Variants in CACNA1I observed in about 807,000 individuals in gnomAD.
CACNA1I encodes the protein calcium voltage-gated channel subunit alpha1 I.
CACNA1I carries 74 observed loss-of-function variants against 201.6 expected under a neutral mutation model. The observed-to-expected ratio is 0.37, with a 90% CI of 0.30 to 0.45. The LOEUF (loss-of-function observed/expected upper bound fraction) is 0.45, where lower values mean the gene tolerates loss of function less well. Ranked by LOEUF, CACNA1I falls within the 20% of genes least tolerant of loss-of-function variation. The pLI is 1.00. For missense variants in CACNA1I, 2,346 were observed against 3,138.1 expected, an observed-to-expected ratio of 0.75 and a Z score of 6.03; for synonymous variants, 1,431 against 1,345.2, an observed-to-expected ratio of 1.06 and a Z score of -1.40.
Position 39,662,253 on chromosome 22 carries a change from T to C in CACNA1I, c.3190T>C (p.Ser1064Pro), listed in dbSNP as rs1241863070. The C allele has an allele frequency of 1.0e-5, 16 of 1,524,588 alleles. No homozygotes were observed. Among genetic ancestry groups the C allele is most frequent in the Non-Finnish European group, 1.3e-5 (15 of 1,140,926 alleles). 94.4% of individuals were successfully genotyped at this position (1,524,588 alleles called of 1,614,324 possible). A position where few individuals can be genotyped will look rare whatever the true frequency, so the allele number is the denominator to read the frequency against. Residue 1064 changes from serine (S) to proline (P), a missense_variant, in exon 17 of 37, where the codon TCG becomes CCG. Ser to Pro is a moderately conservative substitution (Grantham distance 74). Coordinates refer to ENST00000402142, the MANE Select transcript of CACNA1I (RefSeq NM_021096.4). ...RRTLSLDNRD[S>P]VDLAELVPAV... ...GACGCTGTCCCTCGACAACAGGGAC[T>C]CGGTGGACCTGGCCGAGCTGGTGCC...
rs1485407776 is a variant in CACNA1I, at chr22:39,629,765, C to A, written c.581-4800C>A. Among the ~76,000 whole-genome samples the A allele has an allele frequency of 6.6e-6, 1 of 152,146 alleles. No individual in the cohort carries two copies. The highest frequency in any genetic ancestry group is 1.5e-5 in the Non-Finnish European group (1 of 68,032). On this transcript the variant is annotated intron_variant, in intron 4 of 36. Coordinates refer to ENST00000402142, the MANE Select transcript of CACNA1I (RefSeq NM_021096.4). The surrounding 1 kb of genome is among the most constrained non-coding windows in gnomAD (Gnocchi z 4.8). ...CAGCTGTGGAGCCCACAGGCCTGAC[C>A]CCCTTTCAGAGATGTGTATGCCGTT...
At chr22:39,655,676 G>C (rs914041855) in intron 10 of CACNA1I, among the ~76,000 whole-genome samples, 3 of 152,004 alleles carry the variant, frequency 2.0e-5, no homozygotes, top group African/African-American at 4.8e-5. Flanking sequence ...CTGTCTGTCT[G>C]TCTGTCTCTG....
Position 39,649,522 on chromosome 22 carries a change from C to T in CACNA1I, c.1589C>T (p.Pro530Leu), listed in dbSNP as rs1217503911. Residue 530 changes from proline (P) to leucine (L), a missense_variant, in exon 10 of 37, where the codon CCC (proline) becomes CTC (leucine). By Grantham distance (98) the Pro-to-Leu change is moderately conservative. Around this residue, in one of 13 missense-constraint regions of CACNA1I, gnomAD observed 312 missense variants for 331.5 expected, o/e 0.94. Coordinates refer to ENST00000402142, the MANE Select transcript of CACNA1I (RefSeq NM_021096.4). The surrounding 1 kb of genome is among the most constrained non-coding windows in gnomAD (Gnocchi z 7.3). ...TCAGAGCTGTGCCCGCAACATAGCC[C>T]CCTGGATGCGACGCCCCACACCCTG... ...SGRELCPQHS[P>L]LDATPHTLVQ... 2 of 1,562,812 alleles carry T rather than the reference C, an allele frequency of 1.3e-6. No homozygotes were observed. The highest frequency in any genetic ancestry group is 1.9e-5 in the Admixed American group (1 of 53,330).
intron 3 of CACNA1I, among the ~76,000 whole-genome samples, chr22:39,605,306 G>A (rs1013231059): frequency 6.6e-6 from 1 of 152,170 alleles, no homozygotes; most frequent in South Asian, 2.1e-4. Flanking sequence ...CTCATGGCAG[G>A]TGTGTCTGAG....
At position 39,647,618 on chromosome 22, in the gene CACNA1I, T is replaced by G. The variant is rs534162448; in HGVS notation, c.1463-204T>G. ...TTTGTAAAGACGGGTCTCCCTATGT[T>G]GCCCAGGCTGGTCTCAAACTCCTGG... On this transcript the variant is annotated intron_variant, in intron 8 of 36. Coordinates refer to ENST00000402142, the MANE Select transcript of CACNA1I (RefSeq NM_021096.4). Among the ~76,000 whole-genome samples the G allele has an allele frequency of 1.1e-4, 17 of 152,280 alleles. No homozygotes were observed. The South Asian group carries it at 2.9e-3, about 26-fold the overall frequency.
chr22:39,610,245 G>A (rs1164984647), intron 3 of CACNA1I, among the ~76,000 whole-genome samples: 2 of 152,206 alleles, frequency 1.3e-5, no homozygotes, highest in African/African-American at 2.4e-5. Flanking sequence ...ACCAAGGCTA[G>A]TCATCATCCT....
intron 3 of CACNA1I, among the ~76,000 whole-genome samples, chr22:39,607,746 T>G (rs924089071): frequency 2.0e-5 from 3 of 152,170 alleles, no homozygotes; most frequent in African/African-American, 7.2e-5. Context: ...CCCAGCACTT[T>G]GGGAGGCTGA....
intron 5 of CACNA1I, among the ~76,000 whole-genome samples, chr22:39,637,529 T>C (rs1399550696): frequency 6.6e-6 from 1 of 152,036 alleles, no homozygotes; most frequent in Admixed American, 6.5e-5. Context: ...CCTGTGTATT[T>C]ACCCAAAAAA....
chr22:39,614,325 G>A lies in CACNA1I; in HGVS notation c.483-4985G>A, dbSNP rs555571217. ...GTTGACAGAAACACAGTACAAGCAG[G>A]ACCTAGAACCCAAAAGGAAGGCACT... On this transcript the variant is annotated intron_variant, in intron 3 of 36. Coordinates refer to ENST00000402142, the MANE Select transcript of CACNA1I (RefSeq NM_021096.4). Among the ~76,000 whole-genome samples, 8 of 152,322 alleles carry A rather than the reference G, an allele frequency of 5.3e-5. No homozygotes were observed. In the East Asian group the frequency reaches 1.5e-3, roughly 29 times the overall value.
rs890747008 is a variant in CACNA1I, at chr22:39,625,600, C to T, written c.580+6193C>T. 3.9e-5 allele frequency among the ~76,000 whole-genome samples: 6 copies of T among 152,300 alleles called. No individual in the cohort carries two copies. The Middle Eastern group carries it at 0.014, about 345-fold the overall frequency. On this transcript the variant is annotated intron_variant, in intron 4 of 36. Transcript: ENST00000402142. ...GACATCATGGTGCTGCTTACAGAAT[C>T]GTATAAAATACATGTCTCTCCACCC...
rs777929717 is a variant in CACNA1I at position 39,570,999 on chromosome 22, C to A, written c.236+11C>A. On this transcript the variant is annotated intron_variant, in intron 1 of 36. Transcript: ENST00000402142. ...GATGGTGTGCAACCCATATCCTCCG[C>A]AGCCTCGGCTGATCGGGGCCCTGCA... 3 of 1,608,060 alleles carry A rather than the reference C, an allele frequency of 1.9e-6. No homozygotes were observed. The highest frequency in any genetic ancestry group is 1.1e-5 in the South Asian group (1 of 90,926).
chr22:39,623,287 G>T (rs1933802710), intron 4 of CACNA1I, among the ~76,000 whole-genome samples: 1 of 152,160 alleles, frequency 6.6e-6, no homozygotes, highest in African/African-American at 2.4e-5. Flanking sequence ...GTGAGTATGT[G>T]CCTGTGAGGT....
intron 34 of CACNA1I, among the ~76,000 whole-genome samples, chr22:39,682,217 T>C (rs1935725944): frequency 6.6e-6 from 1 of 152,216 alleles, no homozygotes; most frequent in South Asian, 2.1e-4. Context: ...ACTCAGCCTG[T>C]CTTCTGATGC....
chr22:39,583,262 G>A (rs1226089113), intron 1 of CACNA1I, among the ~76,000 whole-genome samples: 1 of 138,506 alleles, frequency 7.2e-6, no homozygotes, highest in African/African-American at 2.7e-5. Flanking sequence ...CAATCCAACT[G>A]TCCATCCATT....
intron 33 of CACNA1I, among the ~76,000 whole-genome samples, chr22:39,680,334 G>A (rs1438409718): frequency 6.6e-6 from 1 of 152,190 alleles, no homozygotes; most frequent in African/African-American, 2.4e-5. Context: ...TCCAGAGCAG[G>A]CGCAGTTAGC....
rs189146050 is a variant in CACNA1I at position 39,658,802 on chromosome 22, A to G, written c.2145-129A>G. ...TGTGGCGTGGAGCAGCATCCAACAT[A>G]TTTGTCAGATGGATGGATGAATGGA... On this transcript the variant is annotated intron_variant, in intron 11 of 36. Transcript: ENST00000402142. The G allele has an allele frequency of 7.1e-4, 579 of 817,838 alleles. 1 individual carries two copies. Among genetic ancestry groups the G allele is most frequent in the Non-Finnish European group, 9.9e-4 (516 of 520,800 alleles). 50.7% of individuals were successfully genotyped at this position (817,838 alleles called of 1,614,324 possible).
At position 39,659,014 on chromosome 22, in the gene CACNA1I, G is replaced by A. The variant is rs1334625806; in HGVS notation, c.2228G>A (p.Arg743His). The change falls in exon 12 of 37, where the codon CGC becomes CAC. Residue 743 changes from arginine to histidine, a missense_variant. Arg to His is a conservative substitution (Grantham distance 29). Transcript: ENST00000402142. This position sits in a 1 kb window ranked among gnomAD's most constrained non-coding sequence, Gnocchi z 4.3. ...CTGCTGCGCGTGCTGAAACTGGTGCGCTTCATGCCTGCCCTGCGGCGCCAG... is the reference window on the plus strand; with the variant it reads ...CTGCTGCGCGTGCTGAAACTGGTGCACTTCATGCCTGCCCTGCGGCGCCAG... The part of the protein sequence containing the change: ...FRLLRVLKLV[R>H]FMPALRRQLV... 1.9e-6 allele frequency: 3 copies of A among 1,612,026 alleles called. No individual in the cohort carries two copies. The highest frequency in any genetic ancestry group is 2.5e-6 in the Non-Finnish European group (3 of 1,179,412).
rs1010272342 is a variant in CACNA1I, at chr22:39,684,546, C to T, written c.6027+48C>T. The T allele has an allele frequency of 5.7e-6, 9 of 1,574,954 alleles. No individual in the cohort carries two copies. Among genetic ancestry groups the T allele is most frequent in the African/African-American group, 5.4e-5 (4 of 74,014 alleles). On this transcript the variant is annotated intron_variant, in intron 36 of 36. Coordinates refer to ENST00000402142, the MANE Select transcript of CACNA1I (RefSeq NM_021096.4). The surrounding 1 kb of genome is among the most constrained non-coding windows in gnomAD (Gnocchi z 4.6). ...AGAGCACTGGTCTGTGGGCAAGGGG[C>T]AGGATCTAAGCCAGGCCTGGAAGTC... is the stretch of plus-strand genomic sequence containing the variant.
At chr22:39,628,650 C>T (rs369137149) in intron 4 of CACNA1I, among the ~76,000 whole-genome samples, 1 of 152,264 alleles carries the variant, frequency 6.6e-6, no homozygotes, top group Admixed American at 6.5e-5. Flanking sequence ...AGCTGTGACC[C>T]CGGCAAGCTG....
Sources: gnomAD v4.1 joint callset for allele counts (sites outside exome capture counted in the v4.1 genomes callset) on GRCh38, gnomAD v4.1.1 for gene constraint, gnomAD v4.1.1 regional missense constraint, Gnocchi (gnomAD v3.1) non-coding constraint, MANE v1.5 for transcripts, NCBI Gene and HGNC (gene_info 2026-07-23, HGNC 2026-07-21) for gene names.